ATP1B1: variants seen among roughly 807,000 people sequenced by gnomAD.
The protein encoded by ATP1B1 is ATPase Na+/K+ transporting subunit beta 1, also known as sodium/potassium-transporting ATPase subunit beta-1.
ATP1B1 carries 3 observed loss-of-function variants against 39.6 expected under a neutral mutation model. The ratio of observed to expected loss-of-function variants is 0.08; its 90% CI spans 0.03 to 0.20. ATP1B1 has a LOEUF of 0.20. ATP1B1 is among the 10% of genes least tolerant of loss of function. ATP1B1 has a pLI of 1.00. For synonymous variants in ATP1B1, 139 were observed against 135.0 expected, an observed-to-expected ratio of 1.03 and a Z score of -0.20; for missense variants, 216 against 371.1, an observed-to-expected ratio of 0.58 and a Z score of 3.43.
chr1:169,130,195 A>G, intron 5 of ATP1B1, 105 bp downstream of exon 5: 1 of 966,344 alleles, frequency 1.0e-6, no homozygotes, highest in Non-Finnish European at 1.6e-6. Flanking sequence ...AATAGAAGAA[A>G]TAAGAAACAT....
chr1:169,110,721 T>C (rs1389433818), intron 1 of ATP1B1: 2 of 1,266,212 alleles, frequency 1.6e-6, no homozygotes, highest in African/African-American at 1.5e-5. Context: ...TCATTTTCAC[T>C]ATAGAATTTT....
At position 169,131,149 on chromosome 1, in the gene ATP1B1, A is replaced by G; in HGVS notation, c.649-143A>G. 1 of 1,090,886 alleles carries G rather than the reference A, an allele frequency of 9.2e-7. No individual in the cohort carries two copies. The highest frequency in any genetic ancestry group is 1.6e-5 in the African/African-American group (1 of 63,542). The allele number at this position is 1,090,886 out of a possible 1,614,324, so 67.6% of individuals were successfully genotyped here. A position where few individuals can be genotyped will look rare whatever the true frequency, so the allele number is the denominator to read the frequency against. On this transcript the variant is annotated intron_variant, in intron 5 of 5. Coordinates refer to ENST00000367815, the MANE Select transcript of ATP1B1 (RefSeq NM_001677.4). This position sits in a 1 kb window ranked among gnomAD's most constrained non-coding sequence, Gnocchi z 4.4. The stretch of plus-strand genomic sequence containing the variant: ...AGTCTCTTCTTATGACCATTTCTCA[A>G]GGCTGCAATGGAATAGACTGAGTAG...
chr1:169,132,232 G>A lies in ATP1B1; in HGVS notation c.*677G>A, dbSNP rs747455617. On this transcript the variant is annotated 3_prime_UTR_variant, in exon 6 of 6. Coordinates refer to ENST00000367815, the MANE Select transcript of ATP1B1 (RefSeq NM_001677.4). Reference sequence around the variant, plus strand: ...AAAACACAAAAAGGTGATGGGTTGTGTTATGCTTGTATTGAATGCTGTCTT... The same window carrying A: ...AAAACACAAAAAGGTGATGGGTTGTATTATGCTTGTATTGAATGCTGTCTT... 2 of 658,024 alleles carry A rather than the reference G, an allele frequency of 3.0e-6. No homozygotes were observed. The highest frequency in any genetic ancestry group is 5.6e-6 in the Non-Finnish European group (2 of 359,286). The allele number at this position is 658,024 out of a possible 1,614,324, so 40.8% of individuals were successfully genotyped here. A position where few individuals can be genotyped will look rare whatever the true frequency, so the allele number is the denominator to read the frequency against.
chr1:169,119,559 T>C (rs1439694361), intron 2 of ATP1B1, among the ~76,000 whole-genome samples: 2 of 152,144 alleles, frequency 1.3e-5, no homozygotes, highest in South Asian at 2.1e-4. Flanking sequence ...AGGGGCATGA[T>C]GGGAGAAAGC....
At chr1:169,128,434 G>T (rs1658132942) in intron 4 of ATP1B1, among the ~76,000 whole-genome samples, 1 of 152,170 alleles carries the variant, frequency 6.6e-6, no homozygotes, top group Non-Finnish European at 1.5e-5. Flanking sequence ...TTTGTTAACT[G>T]AAGGATGCAT....
intron 2 of ATP1B1, among the ~76,000 whole-genome samples, chr1:169,117,352 C>A (rs1037676736): frequency 1.3e-5 from 2 of 152,214 alleles, no homozygotes; most frequent in African/African-American, 2.4e-5. Context: ...TTGGCTTCAA[C>A]AACTCAACTA....
Position 169,132,190 on chromosome 1 carries a change from T to TTAAG in ATP1B1, c.*637_*640dup, listed in dbSNP as rs556425172. On this transcript the variant is annotated 3_prime_UTR_variant, in exon 6 of 6. Coordinates refer to ENST00000367815, the MANE Select transcript of ATP1B1 (RefSeq NM_001677.4). ...TCATGGGGGAACTGCCCTTTAAATTTTAAGTGACACTACAGAAAAACACAA... is the reference window on the plus strand; with the variant it reads ...TCATGGGGGAACTGCCCTTTAAATTTTAAGTAAGTGACACTACAGAAAAACACAA... The TTAAG allele has an allele frequency of 2.6e-5, 17 of 656,020 alleles. No homozygotes were observed. In the East Asian group the frequency reaches 4.8e-4, roughly 18 times the overall value. 40.6% of individuals were successfully genotyped at this position (656,020 alleles called of 1,614,324 possible). A position where few individuals can be genotyped will look rare whatever the true frequency, so the allele number is the denominator to read the frequency against.
intron 1 of ATP1B1, 57 bp from the exon 2 acceptor site, chr1:169,111,313 A>G: frequency 6.2e-7 from 1 of 1,601,008 alleles, no homozygotes; most frequent in Non-Finnish European, 8.5e-7. Context: ...GGAAGATTAA[A>G]CTTTCATTCT....
chr1:169,112,625 G>A (rs1657751181), intron 2 of ATP1B1, among the ~76,000 whole-genome samples: 1 of 152,208 alleles, frequency 6.6e-6, no homozygotes, highest in African/African-American at 2.4e-5. Flanking sequence ...TTGAATGTGG[G>A]AAGGATTCAC....
rs148390238 is a variant in ATP1B1 at position 169,115,203 on chromosome 1, A to T, written c.226+3705A>T. Among the ~76,000 whole-genome samples, 1,421 of 127,820 alleles carry T rather than the reference A, an allele frequency of 0.011. 46 individuals carry two copies. The East Asian group carries it at 0.16, about 14-fold the overall frequency. 83.9% of individuals were successfully genotyped at this position (127,820 alleles called of 152,430 possible). ...TCCATCTCAAAAAAAAAAAAAAGAA[A>T]AAAAAGGGGGGTGGGGAATCATATG... On this transcript the variant is annotated intron_variant, in intron 2 of 5. Coordinates refer to ENST00000367815, the MANE Select transcript of ATP1B1 (RefSeq NM_001677.4).
chr1:169,120,384 G>A lies in ATP1B1; in HGVS notation c.227-4500G>A, dbSNP rs147746573. Among the ~76,000 whole-genome samples the A allele has an allele frequency of 6.4e-4, 98 of 152,248 alleles. 1 individual carries two copies. Among genetic ancestry groups the A allele is most frequent in the East Asian group, 2.5e-3 (13 of 5,188 alleles). Reference sequence around the variant, plus strand: ...ATTAAGGCTTATGTTAGTTACCACCGTCTAAGACCCCTCAGACTCCAGAGG... The same window carrying A: ...ATTAAGGCTTATGTTAGTTACCACCATCTAAGACCCCTCAGACTCCAGAGG... On this transcript the variant is annotated intron_variant, in intron 2 of 5. Coordinates refer to ENST00000367815, the MANE Select transcript of ATP1B1 (RefSeq NM_001677.4).
At position 169,131,706 on chromosome 1, in the gene ATP1B1, GA is replaced by G; in HGVS notation, c.*153del. 3.4e-6 allele frequency: 3 copies of G among 889,632 alleles called. No homozygotes were observed. The allele number at this position is 889,632 out of a possible 1,614,324, so 55.1% of individuals were successfully genotyped here. On this transcript the variant is annotated 3_prime_UTR_variant, in exon 6 of 6. Coordinates refer to ENST00000367815, the MANE Select transcript of ATP1B1 (RefSeq NM_001677.4). This position sits in a 1 kb window ranked among gnomAD's most constrained non-coding sequence, Gnocchi z 4.4. ...CTAGCTTTCTGCATTTAATAGGTTA[GA>G]ATGTAAATTAAAGTGTAGCAATAGC... is the stretch of plus-strand genomic sequence containing the variant.
At chr1:169,107,173 G>T (rs531788766) in intron 1 of ATP1B1, among the ~76,000 whole-genome samples, 2 of 152,310 alleles carry the variant, frequency 1.3e-5, no homozygotes, top group Admixed American at 6.5e-5. Flanking sequence ...ATATCGTAGC[G>T]ATCTTGGCTT....
rs1215571251 is a variant in ATP1B1 at position 169,131,599 on chromosome 1, A to T, written c.*44A>T. The T allele has an allele frequency of 6.4e-7, 1 of 1,560,916 alleles. No individual in the cohort carries two copies. The highest frequency in any genetic ancestry group is 2.2e-5 in the East Asian group (1 of 44,568). ...CCCACTAGCCATTTAATAAGTTAAAAAAAGATACAAAAACAAAAACCTACT... is the reference window on the plus strand; with the variant it reads ...CCCACTAGCCATTTAATAAGTTAAATAAAGATACAAAAACAAAAACCTACT... On this transcript the variant is annotated 3_prime_UTR_variant, in exon 6 of 6. Coordinates refer to ENST00000367815, the MANE Select transcript of ATP1B1 (RefSeq NM_001677.4). The surrounding 1 kb of genome is among the most constrained non-coding windows in gnomAD (Gnocchi z 4.4).
chr1:169,113,987 GGACAT>G (rs769543480), intron 2 of ATP1B1, among the ~76,000 whole-genome samples: 18 of 151,878 alleles, frequency 1.2e-4, no homozygotes, highest in Non-Finnish European at 2.5e-4. Flanking sequence ...CTTTACCAAG[GGACAT>G]GACATTCATA....
Position 169,131,396 on chromosome 1 carries a change from G to A in ATP1B1, c.753G>A (p.Gln251=). 2 of 1,614,210 alleles carry A rather than the reference G, an allele frequency of 1.2e-6. No individual in the cohort carries two copies. Among genetic ancestry groups the A allele is most frequent in the Middle Eastern group, 1.6e-4 (1 of 6,062 alleles). ...QYYPYYGKLL[Q]PKYLQPLLAV... is the part of the protein sequence containing the mutation. The stretch of plus-strand genomic sequence containing the variant: ...ATCCGTACTATGGCAAACTCCTGCA[G>A]CCCAAATACCTGCAGCCCCTGCTGG... Residue 251 remains glutamine (Q), a synonymous_variant, in exon 6 of 6, where the codon CAG becomes CAA. Transcript: ENST00000367815. The surrounding 1 kb of genome is among the most constrained non-coding windows in gnomAD (Gnocchi z 4.4).
chr1:169,117,862 A>G (rs1447795796), intron 2 of ATP1B1, among the ~76,000 whole-genome samples: 2 of 152,176 alleles, frequency 1.3e-5, no homozygotes, highest in African/African-American at 4.8e-5. Flanking sequence ...TACATGCATG[A>G]GTAGATCTTA....
chr1:169,123,226 A>G (rs1658017965), intron 2 of ATP1B1, among the ~76,000 whole-genome samples: 1 of 152,200 alleles, frequency 6.6e-6, no homozygotes, highest in East Asian at 1.9e-4. Flanking sequence ...ATAATTCCCT[A>G]GAGAAGCAGT....
chr1:169,125,781 C>G (rs896496046), intron 3 of ATP1B1, among the ~76,000 whole-genome samples: 1 of 152,098 alleles, frequency 6.6e-6, no homozygotes, highest in East Asian at 1.9e-4. Context: ...CGAGACCAAC[C>G]TGGGCAACAC....
Sources: allele counts gnomAD v4.1 joint callset (sites outside exome capture counted in the v4.1 genomes callset), GRCh38; gene constraint gnomAD v4.1.1; non-coding constraint Gnocchi (gnomAD v3.1); transcripts MANE v1.5; gene names NCBI Gene and HGNC (gene_info 2026-07-23, HGNC 2026-07-21).